Variants in LHFPL3 observed in about 807,000 individuals in gnomAD.
The protein encoded by LHFPL3 is LHFPL tetraspan subfamily member 3 protein.
A neutral mutation model predicts 19.3 loss-of-function variants in LHFPL3; 5 were observed. The observed-to-expected ratio is 0.26, with a 90% CI of 0.14 to 0.54. The LOEUF is 0.54. Among genes scored for constraint, LHFPL3 ranks in the 20% least tolerant of loss-of-function variants. The pLI, the probability that LHFPL3 is intolerant of heterozygous loss-of-function variation, is 0.94. For synonymous variants in LHFPL3, 133 were observed against 126.2 expected, an observed-to-expected ratio of 1.05 and a Z score of -0.36; for missense variants, 249 against 307.4, an observed-to-expected ratio of 0.81 and a Z score of 1.42.
At chr7:104,671,795 C>G (rs1383672821) in intron 1 of LHFPL3, among the ~76,000 whole-genome samples, 1 of 152,064 alleles carries the variant, frequency 6.6e-6, no homozygotes, top group Non-Finnish European at 1.5e-5. Flanking sequence ...AGTTACTTTC[C>G]ATTCATTATT....
At position 104,382,832 on chromosome 7, in the gene LHFPL3, A is replaced by G. The variant is rs569713450; in HGVS notation, c.445+53608A>G. ...CTTGATTACCTTTCAGGGCTCTGGC[A>G]CTCACCTGCTGTATGATTAGTCAGC... On this transcript the variant is annotated intron_variant, in intron 1 of 2. Transcript: ENST00000424859. Among the ~76,000 whole-genome samples, 6 of 152,300 alleles carry G rather than the reference A, an allele frequency of 3.9e-5. No individual in the cohort carries two copies. The South Asian group carries it at 1.0e-3, about 26-fold the overall frequency.
chr7:104,501,115 A>G (rs934833726), intron 1 of LHFPL3, among the ~76,000 whole-genome samples: 2 of 152,248 alleles, frequency 1.3e-5, no homozygotes, highest in Non-Finnish European at 2.9e-5. Flanking sequence ...AAAATGCTCA[A>G]TAAATGTTTA....
chr7:104,421,238 A>G (rs59147782), intron 1 of LHFPL3, among the ~76,000 whole-genome samples: 16,209 of 152,274 alleles, frequency 0.11, 1,016 homozygotes, highest in East Asian at 0.26. Context: ...AAGTATAACT[A>G]TAGTCTGTAA....
At chr7:104,769,876 A>G (rs1334170024) in intron 2 of LHFPL3, among the ~76,000 whole-genome samples, 1 of 152,094 alleles carries the variant, frequency 6.6e-6, no homozygotes, top group Non-Finnish European at 1.5e-5. Flanking sequence ...AGTTTACGTC[A>G]TTTGCGGGGA....
intron 1 of LHFPL3, among the ~76,000 whole-genome samples, chr7:104,618,218 G>GA (rs1352935785): frequency 6.6e-6 from 1 of 152,030 alleles, no homozygotes; most frequent in East Asian, 1.9e-4. Flanking sequence ...TATGATCATG[G>GA]AAAAAAATGA....
chr7:104,641,463 G>A (rs1204590326), intron 1 of LHFPL3, among the ~76,000 whole-genome samples: 3 of 152,218 alleles, frequency 2.0e-5, no homozygotes, highest in Admixed American at 2.0e-4. Flanking sequence ...TGCTTGTGGA[G>A]TAATTATCTC....
intron 1 of LHFPL3, among the ~76,000 whole-genome samples, chr7:104,482,688 T>C (rs1333288142): frequency 6.6e-6 from 1 of 152,230 alleles, no homozygotes; most frequent in Non-Finnish European, 1.5e-5. Flanking sequence ...CCTTGAACAT[T>C]AAAGCAGCAA....
rs190921585 is a variant in LHFPL3 at position 104,566,567 on chromosome 7, A to G, written c.446-170108A>G. ...ATAAGAACCAAAGATGGCTCATGTT[A>G]TTAAAACAGAGATGTTAGAAGCCCG... On this transcript the variant is annotated intron_variant, in intron 1 of 2. Coordinates refer to ENST00000424859, the MANE Select transcript of LHFPL3 (RefSeq NM_199000.3). Among the ~76,000 whole-genome samples, 386 of 152,288 alleles carry G rather than the reference A, an allele frequency of 2.5e-3. 1 individual carries two copies. The highest frequency in any genetic ancestry group is 3.9e-3 in the Non-Finnish European group (262 of 68,018).
intron 1 of LHFPL3, among the ~76,000 whole-genome samples, chr7:104,689,240 A>G (rs10253618): frequency 0.39 from 59,254 of 151,966 alleles, 11,956 homozygotes; most frequent in East Asian, 0.52. Flanking sequence ...CCAAGGTGGC[A>G]GTGTCCAAGT....
intron 2 of LHFPL3, among the ~76,000 whole-genome samples, chr7:104,829,678 G>A (rs1790908456): frequency 6.6e-6 from 1 of 151,872 alleles, no homozygotes; most frequent in Admixed American, 6.6e-5. Flanking sequence ...TTTTATGGCT[G>A]CATAGTATTC....
At chr7:104,724,841 C>A (rs1030194676) in intron 1 of LHFPL3, among the ~76,000 whole-genome samples, 1 of 152,152 alleles carries the variant, frequency 6.6e-6, no homozygotes, top group Non-Finnish European at 1.5e-5. Flanking sequence ...CACTACAGTG[C>A]CCTGTAGCCT....
intron 2 of LHFPL3, among the ~76,000 whole-genome samples, chr7:104,784,991 G>T (rs1051550016): frequency 6.6e-6 from 1 of 152,186 alleles, no homozygotes; most frequent in African/African-American, 2.4e-5. Context: ...GAAATCCATT[G>T]CACAGCAATG....
intron 2 of LHFPL3, among the ~76,000 whole-genome samples, chr7:104,801,231 C>T (rs919193522): frequency 7.2e-5 from 11 of 152,120 alleles, no homozygotes; most frequent in African/African-American, 2.7e-4. Context: ...ACCCCAAGGA[C>T]CAAGCATGAC....
At chr7:104,766,657 C>G (rs926113653) in intron 2 of LHFPL3, among the ~76,000 whole-genome samples, 1 of 152,120 alleles carries the variant, frequency 6.6e-6, no homozygotes, top group Non-Finnish European at 1.5e-5. Context: ...GTTTGAAAAC[C>G]ATACTTCTAA....
intron 1 of LHFPL3, among the ~76,000 whole-genome samples, chr7:104,661,337 C>A (rs1323540092): frequency 6.6e-6 from 1 of 152,154 alleles, no homozygotes; most frequent in African/African-American, 2.4e-5. Context: ...GTCATTCCCA[C>A]AAATAGTTAA....
chr7:104,543,350 G>C (rs1794524519), intron 1 of LHFPL3, among the ~76,000 whole-genome samples: 1 of 152,056 alleles, frequency 6.6e-6, no homozygotes, highest in Non-Finnish European at 1.5e-5. Context: ...GTGGAAGTCA[G>C]TGTGGTGATT....
chr7:104,448,926 T>C (rs754816189), intron 1 of LHFPL3, among the ~76,000 whole-genome samples: 9 of 152,354 alleles, frequency 5.9e-5, no homozygotes, highest in Middle Eastern at 3.4e-3. Flanking sequence ...TGGTGCAGTT[T>C]GAAAGCAGGT....
At chr7:104,467,730 T>A (rs1212667310) in intron 1 of LHFPL3, among the ~76,000 whole-genome samples, 1 of 152,224 alleles carries the variant, frequency 6.6e-6, no homozygotes, top group East Asian at 1.9e-4. Context: ...TTTGGGAATA[T>A]ACAGATTAAA....
intron 1 of LHFPL3, among the ~76,000 whole-genome samples, chr7:104,628,899 T>G (rs1584449272): frequency 6.6e-6 from 1 of 152,192 alleles, no homozygotes; most frequent in African/African-American, 2.4e-5. Context: ...TGATATTAGA[T>G]ATGAAACAGG....
Sources: gnomAD v4.1 joint callset for allele counts (sites outside exome capture counted in the v4.1 genomes callset) on GRCh38, gnomAD v4.1.1 for gene constraint, MANE v1.5 for transcripts, NCBI Gene and HGNC (gene_info 2026-07-23, HGNC 2026-07-21) for gene names.